RIMS2: variants seen among roughly 807,000 people sequenced by gnomAD.
The protein encoded by RIMS2 is regulating synaptic membrane exocytosis 2.
In RIMS2, 59 loss-of-function variants were observed where a neutral mutation model predicts 174.4. The observed-to-expected ratio is 0.34, with a 90% CI of 0.27 to 0.42. The LOEUF is 0.42. RIMS2 is among the 10% of genes least tolerant of loss of function. RIMS2 has a pLI of 1.00. For synonymous variants in RIMS2, 606 were observed against 572.5 expected (o/e 1.06, Z -0.84); for missense variants, 1,620 against 1,666.3 (o/e 0.97, Z 0.48).
intron 3 of RIMS2, among the ~76,000 whole-genome samples, chr8:103,823,646 A>G (rs1274022630): frequency 6.6e-6 from 1 of 152,050 alleles, no homozygotes; most frequent in East Asian, 1.9e-4. Context: ...TTCCTGTAGC[A>G]TTTATTATTG....
intron 1 of RIMS2, among the ~76,000 whole-genome samples, chr8:103,679,667 T>G (rs6985834): frequency 0.38 from 57,185 of 151,736 alleles, 11,113 homozygotes; most frequent in African/African-American, 0.4. Flanking sequence ...TGAATTCATT[T>G]AGTTTCCTTA....
intron 3 of RIMS2, among the ~76,000 whole-genome samples, chr8:103,771,706 G>A (rs2098255235): frequency 6.6e-6 from 1 of 151,946 alleles, no homozygotes; most frequent in South Asian, 2.1e-4. Context: ...TCTTTATTGT[G>A]TTGTATTTTA....
chr8:104,076,504 T>C (rs1273493316), intron 19 of RIMS2, among the ~76,000 whole-genome samples: 1 of 152,204 alleles, frequency 6.6e-6, no homozygotes, highest in African/African-American at 2.4e-5. Context: ...TTCTTACAAT[T>C]GGTACACAAT....
At chr8:103,849,082 T>C (rs2098983345) in intron 3 of RIMS2, among the ~76,000 whole-genome samples, 1 of 152,092 alleles carries the variant, frequency 6.6e-6, no homozygotes, top group African/African-American at 2.4e-5. Flanking sequence ...ATGATAGAGA[T>C]ACCACATAAT....
At chr8:103,502,278 G>A (rs982527070) in intron 1 of RIMS2, among the ~76,000 whole-genome samples, 5 of 152,062 alleles carry the variant, frequency 3.3e-5, no homozygotes, top group Non-Finnish European at 7.4e-5. Context: ...AGTCTTTCAT[G>A]TACTAATAAA....
intron 3 of RIMS2, among the ~76,000 whole-genome samples, chr8:103,871,779 G>A (rs963327257): frequency 1.5e-4 from 23 of 151,846 alleles, no homozygotes; most frequent in African/African-American, 4.6e-4. Context: ...AAAACCGAAG[G>A]TGTTTGTTTT....
At chr8:104,014,932 T>C (rs1055420986) in intron 19 of RIMS2, among the ~76,000 whole-genome samples, 1 of 152,198 alleles carries the variant, frequency 6.6e-6, no homozygotes, top group African/African-American at 2.4e-5. Flanking sequence ...TAATTGTTGA[T>C]AGTTATATAA....
intron 19 of RIMS2, among the ~76,000 whole-genome samples, chr8:104,080,774 A>G (rs1328072963): frequency 6.6e-6 from 1 of 152,110 alleles, no homozygotes; most frequent in Non-Finnish European, 1.5e-5. Context: ...AGGATTACAG[A>G]TATCATTTAT....
chr8:103,706,678 A>G (rs1002409304), intron 2 of RIMS2, among the ~76,000 whole-genome samples: 6 of 151,738 alleles, frequency 4.0e-5, no homozygotes, highest in Admixed American at 2.0e-4. Context: ...GAGTTTCTTT[A>G]TATGTTATTT....
chr8:103,788,829 T>C (rs377239925), intron 3 of RIMS2, among the ~76,000 whole-genome samples: 868 of 129,128 alleles, frequency 6.7e-3, no homozygotes, highest in African/African-American at 0.012. Context: ...GCTTTGTTTA[T>C]CTAAGCAAGC....
At chr8:103,868,326 C>G (rs1041607623) in intron 3 of RIMS2, among the ~76,000 whole-genome samples, 12 of 151,910 alleles carry the variant, frequency 7.9e-5, no homozygotes, top group African/African-American at 2.9e-4. Flanking sequence ...TTTGACTAGT[C>G]CAGAATGAAC....
intron 19 of RIMS2, chr8:104,094,658 C>G: frequency 1.4e-6 from 1 of 701,018 alleles, no homozygotes; most frequent in Non-Finnish European, 2.6e-6. Flanking sequence ...AAGATATACA[C>G]GAGCAAGGGA....
intron 1 of RIMS2, among the ~76,000 whole-genome samples, chr8:103,636,121 C>T (rs923659352): frequency 6.6e-6 from 1 of 152,156 alleles, no homozygotes; most frequent in African/African-American, 2.4e-5. Context: ...TGGTGGTATG[C>T]CCCACTGCCT....
chr8:103,588,985 G>T (rs1191878528), intron 1 of RIMS2, among the ~76,000 whole-genome samples: 1 of 148,520 alleles, frequency 6.7e-6, no homozygotes, highest in Non-Finnish European at 1.5e-5. Context: ...CCATGGAATG[G>T]GAGAAAATAT....
At chr8:103,757,565 G>A (rs963838872) in intron 2 of RIMS2, among the ~76,000 whole-genome samples, 2 of 151,980 alleles carry the variant, frequency 1.3e-5, no homozygotes, top group Non-Finnish European at 2.9e-5. Flanking sequence ...TTTTGTCTAT[G>A]GTAGGCAGAA....
chr8:103,950,017 C>T (rs948829688), intron 14 of RIMS2, among the ~76,000 whole-genome samples: 11 of 152,076 alleles, frequency 7.2e-5, no homozygotes, highest in African/African-American at 2.7e-4. Flanking sequence ...ATACATTTGA[C>T]AACCTAGGTG....
At chr8:104,014,687 T>C in intron 19 of RIMS2, 72 bp downstream of exon 21, 1 of 821,218 alleles carries the variant, frequency 1.2e-6, no homozygotes. Flanking sequence ...ATTTTCTTAT[T>C]ACCTTTGTGT....
intron 1 of RIMS2, among the ~76,000 whole-genome samples, chr8:103,631,305 A>G (rs1036596617): frequency 2.0e-5 from 3 of 152,128 alleles, no homozygotes; most frequent in African/African-American, 4.8e-5. Flanking sequence ...TATACAGTGT[A>G]AGGAAGGGGT....
intron 1 of RIMS2, among the ~76,000 whole-genome samples, chr8:103,509,706 A>C (rs1176454181): frequency 1.3e-5 from 2 of 152,088 alleles, no homozygotes; most frequent in South Asian, 4.1e-4. Context: ...TGGAAAGGGG[A>C]AAGTTAAGAA....
Sources: allele counts gnomAD v4.1 joint callset (sites outside exome capture counted in the v4.1 genomes callset), GRCh38; gene constraint gnomAD v4.1.1; transcripts MANE v1.5; gene names NCBI Gene and HGNC (gene_info 2026-07-23, HGNC 2026-07-21).